UBE4B: variants seen among roughly 807,000 people sequenced by gnomAD.
The protein encoded by UBE4B is ubiquitin conjugation factor E4 B.
In UBE4B, 27 loss-of-function variants were observed where a neutral mutation model predicts 148.1. That is an observed-to-expected ratio of 0.18 (90% confidence interval 0.13 to 0.25). The LOEUF (loss-of-function observed/expected upper bound fraction) is 0.25, where lower values mean the gene tolerates loss of function less well. UBE4B is among the 10% of genes least tolerant of loss of function. The pLI is 1.00. For missense variants in UBE4B, 1,170 were observed against 1,662.4 expected (o/e 0.70, Z 5.15); for synonymous variants, 596 against 619.3 (o/e 0.96, Z 0.56).
rs1645104023 is a variant in UBE4B, at chr1:10,106,186, A to T, written c.810-11A>T. 6.4e-7 allele frequency: 1 copy of T among 1,551,148 alleles called. No homozygotes were observed. The highest frequency in any genetic ancestry group is 8.7e-7 in the Non-Finnish European group (1 of 1,147,396). Reference sequence around the variant, plus strand: ...TTTTCTCTTCTTTCCTCCCTTTCTCAACTAATTTAGCCTCTATGAAAGTAG... The same window carrying T: ...TTTTCTCTTCTTTCCTCCCTTTCTCTACTAATTTAGCCTCTATGAAAGTAG... On this transcript the variant is annotated splice_polypyrimidine_tract_variant and intron_variant, in intron 6 of 27. Transcript: ENST00000343090. This position sits in a 1 kb window ranked among gnomAD's most constrained non-coding sequence, Gnocchi z 4.2.
rs1401224315 is a variant in UBE4B at position 10,155,082 on chromosome 1, AGAGTGTGTGTGTGT to A, written c.2927-3272_2927-3259del. Among the ~76,000 whole-genome samples, 56 of 147,590 alleles carry A rather than the reference AGAGTGTGTGTGTGT, an allele frequency of 3.8e-4. No homozygotes were observed. In the East Asian group the frequency reaches 9.9e-3, roughly 26 times the overall value. On this transcript the variant is annotated intron_variant, in intron 21 of 27. Transcript: ENST00000343090. The stretch of plus-strand genomic sequence containing the variant: ...GGCTTCAGGAGAGAGAGAGAGAGAG[AGAGTGTGTGTGTGT>A]GTGTGTGTGTGTGTTTGTGTATTTG...
chr1:10,038,046 C>T (rs930359226), intron 1 of UBE4B, among the ~76,000 whole-genome samples: 1 of 151,880 alleles, frequency 6.6e-6, no homozygotes, highest in African/African-American at 2.4e-5. Flanking sequence ...TTTGGGAGGC[C>T]GAGGTGGGTG....
intron 2 of UBE4B, among the ~76,000 whole-genome samples, chr1:10,092,501 C>A (rs977581073): frequency 1.3e-5 from 2 of 149,870 alleles, no homozygotes; most frequent in East Asian, 4.1e-4. Context: ...GGATTACAGG[C>A]GTGAGCCACT....
intron 21 of UBE4B, among the ~76,000 whole-genome samples, chr1:10,157,339 G>A (rs1240320962): frequency 2.0e-5 from 3 of 151,780 alleles, no homozygotes; most frequent in Non-Finnish European, 2.9e-5. Context: ...TAAGCCACGC[G>A]TGGTGGATAC....
chr1:10,107,398 C>T (rs1456308568), intron 7 of UBE4B: 13 of 1,278,604 alleles, frequency 1.0e-5, no homozygotes, highest in Non-Finnish European at 1.3e-5. Context: ...GGAGTCTTAC[C>T]CCTGCATGTG....
intron 3 of UBE4B, among the ~76,000 whole-genome samples, chr1:10,096,657 G>A (rs370578413): frequency 7.0e-4 from 107 of 152,212 alleles, no homozygotes; most frequent in Middle Eastern, 3.4e-3. Flanking sequence ...AGGAGGTGGA[G>A]GTTGCAGTGA....
intron 7 of UBE4B, among the ~76,000 whole-genome samples, chr1:10,115,733 A>G (rs1031522895): frequency 2.0e-5 from 3 of 152,202 alleles, no homozygotes; most frequent in Non-Finnish European, 4.4e-5. Flanking sequence ...GTATACTTAC[A>G]CAACCTAGAT....
intron 1 of UBE4B, among the ~76,000 whole-genome samples, chr1:10,037,096 T>C (rs1320412424): frequency 6.6e-6 from 1 of 152,160 alleles, no homozygotes; most frequent in Non-Finnish European, 1.5e-5. Flanking sequence ...GGCGCGATCT[T>C]GGCTCATTGC....
chr1:10,156,870 A>G (rs1225228883), intron 21 of UBE4B, among the ~76,000 whole-genome samples: 1 of 152,128 alleles, frequency 6.6e-6, no homozygotes, highest in Non-Finnish European at 1.5e-5. Flanking sequence ...TCTTTGGAAA[A>G]TACAGAAAAT....
intron 16 of UBE4B, among the ~76,000 whole-genome samples, chr1:10,135,948 G>T (rs1252086510): frequency 6.6e-6 from 1 of 151,786 alleles, no homozygotes; most frequent in Non-Finnish European, 1.5e-5. Context: ...CTACTTTTCA[G>T]GTTATATTCC....
At chr1:10,045,306 G>A (rs1435119129) in intron 1 of UBE4B, among the ~76,000 whole-genome samples, 2 of 152,182 alleles carry the variant, frequency 1.3e-5, no homozygotes, top group South Asian at 2.1e-4. Flanking sequence ...AGTGTGTGAA[G>A]CCATGTCACA....
intron 3 of UBE4B, 189 bp from the exon 4 acceptor site, chr1:10,100,919 A>G (rs1307523287): frequency 8.6e-6 from 5 of 580,888 alleles, no homozygotes; most frequent in Admixed American, 6.4e-5. Context: ...TCCAACATGT[A>G]TAAGAGACAA....
intron 17 of UBE4B, among the ~76,000 whole-genome samples, chr1:10,138,397 C>G (rs2101960937): frequency 6.6e-6 from 1 of 151,796 alleles, no homozygotes; most frequent in South Asian, 2.1e-4. Context: ...GCACCTGGCC[C>G]AATTTTTTGT....
At chr1:10,037,627 G>A (rs775124123) in intron 1 of UBE4B, among the ~76,000 whole-genome samples, 7 of 152,018 alleles carry the variant, frequency 4.6e-5, no homozygotes, top group Admixed American at 2.0e-4. Flanking sequence ...GCATGATCTT[G>A]GCTCACTGCA....
chr1:10,055,677 T>A (rs1476937013), intron 1 of UBE4B, among the ~76,000 whole-genome samples: 2 of 152,124 alleles, frequency 1.3e-5, no homozygotes, highest in Admixed American at 1.3e-4. Flanking sequence ...CCCAGCACTT[T>A]GGGAGGCCAA....
chr1:10,129,235 G>T, intron 11 of UBE4B, 157 bp from the exon 12 acceptor site: 1 of 517,548 alleles, frequency 1.9e-6, no homozygotes, highest in Non-Finnish European at 3.5e-6. Flanking sequence ...TTATTAATCA[G>T]AAAAAGTAGT....
At chr1:10,174,190 T>TC (rs1646380617) in intron 25 of UBE4B, among the ~76,000 whole-genome samples, 1 of 151,240 alleles carries the variant, frequency 6.6e-6, no homozygotes, top group South Asian at 2.1e-4. Flanking sequence ...GGTCAGGAGT[T>TC]CGAGACCAGC....
At chr1:10,124,003 G>C (rs529168834) in intron 10 of UBE4B, among the ~76,000 whole-genome samples, 1 of 152,024 alleles carries the variant, frequency 6.6e-6, no homozygotes. Flanking sequence ...TTGAATTCCT[G>C]ATGTCAGGTG....
chr1:10,146,884 G>C, intron 18 of UBE4B, 79 bp from the exon 19 acceptor site: 1 of 1,544,500 alleles, frequency 6.5e-7, no homozygotes, highest in South Asian at 1.2e-5. Flanking sequence ...CCATCTCCTG[G>C]CCCCAGTCCC....
Sources: gnomAD v4.1 joint callset for allele counts (sites outside exome capture counted in the v4.1 genomes callset) on GRCh38, gnomAD v4.1.1 for gene constraint, Gnocchi (gnomAD v3.1) non-coding constraint, MANE v1.5 for transcripts, NCBI Gene and HGNC (gene_info 2026-07-23, HGNC 2026-07-21) for gene names.